PCP4: variants seen among roughly 807,000 people sequenced by gnomAD.
PCP4 encodes the protein calmodulin regulator protein PCP4.
Under a neutral mutation model 10.0 loss-of-function variants are expected in PCP4, and 8 were observed. That is an observed-to-expected ratio of 0.80 (90% CI 0.47 to 1.45). PCP4 has a LOEUF of 1.45. Ranked by LOEUF, PCP4 falls within the 40% of genes most tolerant of loss-of-function variation. The pLI is 0.00. For missense variants in PCP4, 54 were observed against 74.4 expected, an observed-to-expected ratio of 0.73 and a Z score of 1.01; for synonymous variants, 21 against 23.0, an observed-to-expected ratio of 0.91 and a Z score of 0.24.
At chr21:39,878,460 G>T (rs2087356669) in intron 1 of PCP4, among the ~76,000 whole-genome samples, 1 of 152,164 alleles carries the variant, frequency 6.6e-6, no homozygotes, top group Non-Finnish European at 1.5e-5. Flanking sequence ...CTGAACTCCT[G>T]CCTGGTGATA....
intron 1 of PCP4, among the ~76,000 whole-genome samples, chr21:39,871,149 G>C (rs80143346): frequency 6.6e-6 from 1 of 152,130 alleles, no homozygotes; most frequent in African/African-American, 2.4e-5. Context: ...CAGTTAACTC[G>C]TGAGGTGAGG....
In PCP4 at chr21:39,915,244, C is replaced by A. The variant is rs552432049; in HGVS notation, c.62-13740C>A. ...AGTATTTCTGCAAAAAAAAAAAAATCTCTGGGATTTTTAAAGCATTAAATA... is the reference window on the plus strand; with the variant it reads ...AGTATTTCTGCAAAAAAAAAAAAATATCTGGGATTTTTAAAGCATTAAATA... On this transcript the variant is annotated intron_variant, in intron 2 of 2. Transcript: ENST00000328619. Among the ~76,000 whole-genome samples, 237 of 150,986 alleles carry A rather than the reference C, an allele frequency of 1.6e-3. 6 individuals carry two copies. The highest frequency in any genetic ancestry group is 0.015 in the Admixed American group (233 of 15,132).
At chr21:39,920,427 CTG>C (rs113938790) in intron 2 of PCP4, among the ~76,000 whole-genome samples, 2,493 of 149,564 alleles carry the variant, frequency 0.017, 66 homozygotes, top group African/African-American at 0.058. Flanking sequence ...TGGTGTGTGA[CTG>C]TGTGATGGGA....
At chr21:39,903,876 C>CAAAAAAAAAAAAAAAA (rs67572508) in intron 2 of PCP4, among the ~76,000 whole-genome samples, 2 of 95,582 alleles carry the variant, frequency 2.1e-5, no homozygotes, top group African/African-American at 3.9e-5. Flanking sequence ...TCAAAAAAAA[C>CAAAAAAAAAAAAAAAA]AAAAAAAAAA....
chr21:39,891,832 T>C (rs1039464549), intron 1 of PCP4, among the ~76,000 whole-genome samples: 7 of 152,224 alleles, frequency 4.6e-5, no homozygotes, highest in African/African-American at 1.7e-4. Flanking sequence ...ATAAGAAAGA[T>C]CAAAGACTTT....
chr21:39,893,746 A>C (rs1429986695), intron 1 of PCP4, among the ~76,000 whole-genome samples: 1 of 152,242 alleles, frequency 6.6e-6, no homozygotes, highest in Non-Finnish European at 1.5e-5. Flanking sequence ...GAAAGAGCCC[A>C]GTGGTGTTAC....
intron 2 of PCP4, among the ~76,000 whole-genome samples, chr21:39,900,394 C>T (rs2087477403): frequency 6.6e-6 from 1 of 152,074 alleles, no homozygotes; most frequent in Admixed American, 6.6e-5. Context: ...CCCCAAAGAA[C>T]TTTTGTTTAT....
intron 2 of PCP4, among the ~76,000 whole-genome samples, chr21:39,927,889 A>C (rs894577786): frequency 6.6e-6 from 1 of 152,030 alleles, no homozygotes; most frequent in Non-Finnish European, 1.5e-5. Flanking sequence ...TCTTAGGAGC[A>C]CCCTTCCCAC....
intron 1 of PCP4, among the ~76,000 whole-genome samples, chr21:39,891,939 A>T (rs1431636987): frequency 2.0e-5 from 3 of 152,254 alleles, no homozygotes; most frequent in Non-Finnish European, 4.4e-5. Flanking sequence ...GAGTGTGACC[A>T]TTGAAGCACA....
chr21:39,877,495 T>A (rs1421776423), intron 1 of PCP4, among the ~76,000 whole-genome samples: 1 of 151,044 alleles, frequency 6.6e-6, no homozygotes, highest in South Asian at 2.1e-4. Context: ...GAGACCAGCC[T>A]GGGCAACATG....
At chr21:39,884,780 A>G (rs2087391838) in intron 1 of PCP4, among the ~76,000 whole-genome samples, 1 of 149,958 alleles carries the variant, frequency 6.7e-6, no homozygotes, top group Non-Finnish European at 1.5e-5. Flanking sequence ...GCTGGGTGAC[A>G]GAGGAGACTC....
chr21:39,883,154 G>T (rs1412374368), intron 1 of PCP4, among the ~76,000 whole-genome samples: 1 of 152,182 alleles, frequency 6.6e-6, no homozygotes, highest in East Asian at 1.9e-4. Context: ...CAGTTCAGAT[G>T]CAGAAGGTGG....
intron 1 of PCP4, among the ~76,000 whole-genome samples, chr21:39,869,475 G>A (rs1213184509): frequency 2.0e-5 from 3 of 152,174 alleles, no homozygotes; most frequent in African/African-American, 7.2e-5. Flanking sequence ...GTGGATAAAA[G>A]CACACAAGGG....
At chr21:39,902,826 T>G (rs2087487652) in intron 2 of PCP4, among the ~76,000 whole-genome samples, 1 of 152,240 alleles carries the variant, frequency 6.6e-6, no homozygotes, top group African/African-American at 2.4e-5. Context: ...TTTGATTAGT[T>G]AAGCCACAGA....
chr21:39,874,848 C>T (rs1429530592), intron 1 of PCP4, among the ~76,000 whole-genome samples: 1 of 152,102 alleles, frequency 6.6e-6, no homozygotes, highest in Non-Finnish European at 1.5e-5. Flanking sequence ...CCGAATCCTA[C>T]ACATGCTATG....
At chr21:39,890,654 C>T (rs2087425819) in intron 1 of PCP4, among the ~76,000 whole-genome samples, 1 of 152,124 alleles carries the variant, frequency 6.6e-6, no homozygotes, top group South Asian at 2.1e-4. Context: ...CAGGCATGAG[C>T]CACCGTGCCT....
chr21:39,882,441 C>T (rs1036160367), intron 1 of PCP4, among the ~76,000 whole-genome samples: 3 of 152,144 alleles, frequency 2.0e-5, no homozygotes, highest in Non-Finnish European at 4.4e-5. Context: ...TGGCATTTTA[C>T]CAGCTGTACT....
At chr21:39,898,407 A>G (rs776072472) in intron 1 of PCP4, 69 bp from the exon 2 acceptor site, 1 of 1,248,218 alleles carries the variant, frequency 8.0e-7, no homozygotes, top group Non-Finnish European at 1.2e-6. Flanking sequence ...TTGCAACAAT[A>G]AAAGAGACAA....
At chr21:39,884,282 C>G (rs2087389715) in intron 1 of PCP4, among the ~76,000 whole-genome samples, 1 of 151,690 alleles carries the variant, frequency 6.6e-6, no homozygotes, top group Admixed American at 6.6e-5. Flanking sequence ...CAGGTTCAAG[C>G]AATTCTCGTG....
Sources: gnomAD v4.1 joint callset for allele counts (sites outside exome capture counted in the v4.1 genomes callset) on GRCh38, gnomAD v4.1.1 for gene constraint, MANE v1.5 for transcripts, NCBI Gene and HGNC (gene_info 2026-07-23, HGNC 2026-07-21) for gene names.